AATK: variants seen among roughly 807,000 people sequenced by gnomAD.
The protein encoded by AATK is lemur tail kinase 1, also known as serine/threonine-protein kinase LMTK1.
In AATK, 91 loss-of-function variants were observed where a neutral mutation model predicts 114.3. The ratio of observed to expected loss-of-function variants is 0.80; its 90% CI spans 0.67 to 0.95. The LOEUF (loss-of-function observed/expected upper bound fraction) is 0.95, where lower values mean the gene tolerates loss of function less well. Among genes scored for constraint, AATK ranks in the 40% least tolerant of loss-of-function variants. AATK has a pLI of 0.00. For missense variants in AATK, 2,176 were observed against 1,965.2 expected, an observed-to-expected ratio of 1.11 and a Z score of -2.03; for synonymous variants, 1,075 against 916.5, an observed-to-expected ratio of 1.17 and a Z score of -3.12.
Position 81,120,434 on chromosome 17 carries a change from T to C in AATK, c.3502A>G (p.Ser1168Gly). Residue 1168 changes from serine to glycine, a missense_variant, in exon 11 of 14, where the codon AGC (serine) becomes GGC (glycine). This residue lies in a region of AATK where 1,701 missense variants were observed against 1,394.7 expected (regional missense o/e 1.22). Coordinates refer to ENST00000326724, the MANE Select transcript of AATK (RefSeq NM_001080395.3). ...CGGAGCTCCTCGTCAGACTCGTCGC[T>C]GTCCTCACTGTCCTCCTCCTCCTCC... ...PEEEEEDSEDSDESDEELRCY... is the reference protein window; with the variant it reads ...PEEEEEDSEDGDESDEELRCY... The C allele has an allele frequency of 1.0e-5, 16 of 1,571,362 alleles. No homozygotes were observed. The highest frequency in any genetic ancestry group is 1.4e-5 in the Non-Finnish European group (16 of 1,155,044).
rs199534891 is a variant in AATK, at chr17:81,121,878, G to A, written c.2058C>T (p.Asn686=). The A allele has an allele frequency of 6.5e-5, 104 of 1,599,820 alleles. No individual in the cohort carries two copies. In the African/African-American group the frequency reaches 1.2e-3, roughly 18 times the overall value. ...GHWRSNVSAN[N]NSGSRCPESW... The stretch of plus-strand genomic sequence containing the variant: ...ACTCTGGACAGCGGCTGCCGCTGTT[G>A]TTGTTGGCTGACACGTTGGAGCGCC... Residue 686 remains asparagine (N), a synonymous_variant, in exon 11 of 14, where the codon AAC becomes AAT. Transcript: ENST00000326724.
At position 81,120,266 on chromosome 17, in the gene AATK, C is replaced by A; in HGVS notation, c.3670G>T (p.Asp1224Tyr). The A allele has an allele frequency of 6.2e-7, 1 of 1,602,192 alleles. No individual in the cohort carries two copies. The highest frequency in any genetic ancestry group is 8.5e-7 in the Non-Finnish European group (1 of 1,172,318). The change falls in exon 11 of 14, where the codon GAC (aspartate) becomes TAC (tyrosine). Residue 1224 changes from aspartate (D) to tyrosine (Y), a missense_variant. Physicochemically the swap from Asp to Tyr is radical, Grantham distance 160. Coordinates refer to ENST00000326724, the MANE Select transcript of AATK (RefSeq NM_001080395.3). ...PSLLSETFCE[D>Y]LERKKKAVSF... ...ACGGCCTTCTTCTTGCGTTCCAGGT[C>A]CTCGCAGAAGGTCTCGGACAGCAGG...
intron 1 of AATK, among the ~76,000 whole-genome samples, chr17:81,151,149 C>T (rs1256584227): frequency 6.6e-6 from 1 of 152,122 alleles, no homozygotes; most frequent in Non-Finnish European, 1.5e-5. Context: ...CAAAGGTTTG[C>T]ACAGGCGCCC....
chr17:81,140,803 G>A (rs1406832861), intron 1 of AATK, among the ~76,000 whole-genome samples: 1 of 132,346 alleles, frequency 7.6e-6, no homozygotes, highest in Non-Finnish European at 1.6e-5. Flanking sequence ...CCGTGAGACC[G>A]TGGGGCTGTG....
At chr17:81,141,957 C>CTTCCT (rs2061146460) in intron 1 of AATK, among the ~76,000 whole-genome samples, 5 of 83,120 alleles carry the variant, frequency 6.0e-5, no homozygotes, top group African/African-American at 1.7e-4. Flanking sequence ...CCTTCCTTTC[C>CTTCCT]TTCCTTCCTT....
At position 81,128,451 on chromosome 17, in the gene AATK, T is replaced by A. The variant is rs1405314672; in HGVS notation, c.414+19A>T. On this transcript the variant is annotated intron_variant, in intron 4 of 13. Transcript: ENST00000326724. ...CTGCCTCCCAGGCGGGAGTCCTCCC[T>A]CCCAGGCGGGACACGTACCTTCCCG... 6.5e-7 allele frequency: 1 copy of A among 1,548,494 alleles called. No individual in the cohort carries two copies. The highest frequency in any genetic ancestry group is 8.7e-7 in the Non-Finnish European group (1 of 1,146,720).
intron 13 of AATK, 146 bp from the exon 14 acceptor site, chr17:81,118,588 T>A: frequency 1.3e-6 from 1 of 795,564 alleles, no homozygotes; most frequent in Admixed American, 2.3e-5. Context: ...AGGTGAGAGA[T>A]GGACCCATTT....
At chr17:81,119,832 A>T in intron 12 of AATK, 104 bp downstream of exon 12, 1 of 1,361,410 alleles carries the variant, frequency 7.3e-7, no homozygotes, top group South Asian at 1.6e-5. Context: ...GTCAAGGACC[A>T]GGTGCTCCTC....
At chr17:81,151,245 G>A (rs955012247) in intron 1 of AATK, among the ~76,000 whole-genome samples, 2 of 151,360 alleles carry the variant, frequency 1.3e-5, no homozygotes, top group African/African-American at 4.9e-5. Flanking sequence ...CCGGGTGTCA[G>A]CCAAGCCCCA....
intron 1 of AATK, among the ~76,000 whole-genome samples, chr17:81,141,047 C>T (rs1018753455): frequency 1.5e-5 from 2 of 130,590 alleles, no homozygotes; most frequent in Admixed American, 7.5e-5. Context: ...CCATGGGGAC[C>T]GTGAGCCGTG....
Position 81,119,549 on chromosome 17 carries a change from C to T in AATK, c.3915G>A (p.Pro1305=), listed in dbSNP as rs1340104012. 1.0e-5 allele frequency: 16 copies of T among 1,581,380 alleles called. No individual in the cohort carries two copies. Among genetic ancestry groups the T allele is most frequent in the East Asian group, 2.4e-5 (1 of 42,348 alleles). The change falls in exon 13 of 14, where the codon CCG becomes CCA. Residue 1305 remains proline, a synonymous_variant. Transcript: ENST00000326724. ...CGAAGGCTGCCTTGGCCGTCATCAG[C>T]GGGAAGTCGTCGTCCCACGCGAACC... is the stretch of plus-strand genomic sequence containing the variant. The part of the protein sequence containing the change: ...GGGFAWDDDF[P]LMTAKAAFAM...
In AATK at chr17:81,126,981, G is replaced by A. The variant is rs945185800; in HGVS notation, c.622-421C>T. On this transcript the variant is annotated intron_variant, in intron 6 of 13. Transcript: ENST00000326724. This position sits in a 1 kb window ranked among gnomAD's most constrained non-coding sequence, Gnocchi z 5.1. ...AGTGTGTGAGGGCCCCTGTCCCGAGGGAAGCCAGCAGGGGATCCAGCCCAG... is the reference window on the plus strand; with the variant it reads ...AGTGTGTGAGGGCCCCTGTCCCGAGAGAAGCCAGCAGGGGATCCAGCCCAG... Among the ~76,000 whole-genome samples, 2 of 151,534 alleles carry A rather than the reference G, an allele frequency of 1.3e-5. No individual in the cohort carries two copies. The highest frequency in any genetic ancestry group is 2.9e-5 in the Non-Finnish European group (2 of 67,826).
At chr17:81,124,389 C>T (rs902544024) in intron 9 of AATK, among the ~76,000 whole-genome samples, 6 of 152,206 alleles carry the variant, frequency 3.9e-5, no homozygotes, top group African/African-American at 9.6e-5. Context: ...CCTACGCTCC[C>T]GTGAAGGCAG....
chr17:81,150,421 C>T (rs2146389402), intron 1 of AATK, among the ~76,000 whole-genome samples: 2 of 143,830 alleles, frequency 1.4e-5, no homozygotes, highest in South Asian at 4.8e-4. Flanking sequence ...CCCCCTGATC[C>T]CAATGCTTCC....
Position 81,120,693 on chromosome 17 carries a change from C to A in AATK, c.3243G>T (p.Pro1081=). 1 of 1,517,208 alleles carries A rather than the reference C, an allele frequency of 6.6e-7. No homozygotes were observed. Among genetic ancestry groups the A allele is most frequent in the Non-Finnish European group, 8.8e-7 (1 of 1,132,864 alleles). 94.0% of individuals were successfully genotyped at this position (1,517,208 alleles called of 1,614,324 possible). ...GCACCTTGGCTGGGCCTTGGGGCTC[C>A]GGAGGCTCTGGGACCAGGCCCGAGG... ...TCPSGLVPEP[P]EPQGPAKVRP... Residue 1081 remains proline, a synonymous_variant, in exon 11 of 14, where the codon CCG becomes CCT. Coordinates refer to ENST00000326724, the MANE Select transcript of AATK (RefSeq NM_001080395.3).
At chr17:81,140,954 GGACCGTGA>G (rs1328221311) in intron 1 of AATK, among the ~76,000 whole-genome samples, 4 of 144,722 alleles carry the variant, frequency 2.8e-5, no homozygotes, top group African/African-American at 5.5e-5. Context: ...TGAGCCGTGG[GGACCGTGA>G]GCCGTGGGGC....
chr17:81,119,877 C>A, intron 12 of AATK, 59 bp downstream of exon 12: 1 of 1,401,486 alleles, frequency 7.1e-7, no homozygotes, highest in Non-Finnish European at 9.2e-7. Flanking sequence ...GCCTCCCACA[C>A]AGCACGGACC....
Position 81,118,410 on chromosome 17 carries a change from C to G in AATK, c.4117G>C (p.Glu1373Gln), listed in dbSNP as rs1392196567. 4.4e-6 allele frequency: 7 copies of G among 1,608,176 alleles called. No individual in the cohort carries two copies. In the Admixed American group the frequency reaches 5.0e-5, roughly 12 times the overall value. The change falls in exon 14 of 14, where the codon GAG becomes CAG. Residue 1373 changes from glutamate (E) to glutamine (Q), a missense_variant. Around this residue, in one of 4 missense-constraint regions of AATK, gnomAD observed 1,701 missense variants for 1,394.7 expected, o/e 1.22. Coordinates refer to ENST00000326724, the MANE Select transcript of AATK (RefSeq NM_001080395.3). Reference sequence around the variant, plus strand: ...CAGGAGCTGCCCAGGTCTCAAGCCTCTTTACTCTCACCCCCGGCACCAGCT... The same window carrying G: ...CAGGAGCTGCCCAGGTCTCAAGCCTGTTTACTCTCACCCCCGGCACCAGCT... Reference protein sequence around the residue: ...PEAGAGGESKEA With the variant: ...PEAGAGGESKQA
At position 81,121,891 on chromosome 17, in the gene AATK, A is replaced by G. The variant is rs779847368; in HGVS notation, c.2045T>C (p.Val682Ala). ...GCTGCCGCTGTTGTTGTTGGCTGACACGTTGGAGCGCCAGTGCCCGCGCTG... is the reference window on the plus strand; with the variant it reads ...GCTGCCGCTGTTGTTGTTGGCTGACGCGTTGGAGCGCCAGTGCCCGCGCTG... ...AAQRGHWRSNVSANNNSGSRC... is the reference protein window; with the variant it reads ...AAQRGHWRSNASANNNSGSRC... The change falls in exon 11 of 14, where the codon GTG (valine) becomes GCG (alanine). Residue 682 changes from valine (V) to alanine (A), a missense_variant. Physicochemically the swap from Val to Ala is moderately conservative, Grantham distance 64. This residue lies in a region of AATK where 1,701 missense variants were observed against 1,394.7 expected (regional missense o/e 1.22). Transcript: ENST00000326724. The G allele has an allele frequency of 8.1e-6, 13 of 1,600,436 alleles. No homozygotes were observed. The highest frequency in any genetic ancestry group is 1.3e-5 in the African/African-American group (1 of 75,030).
Sources: allele counts gnomAD v4.1 joint callset (sites outside exome capture counted in the v4.1 genomes callset), GRCh38; gene constraint gnomAD v4.1.1; regional missense constraint gnomAD v4.1.1; non-coding constraint Gnocchi (gnomAD v3.1); transcripts MANE v1.5; gene names NCBI Gene and HGNC (gene_info 2026-07-23, HGNC 2026-07-21).